EYS: variants seen among roughly 807,000 people sequenced by gnomAD.
EYS encodes EGF-like photoreceptor maintenance factor.
In EYS, 250 loss-of-function variants were observed where a neutral mutation model predicts 282.1. The observed-to-expected ratio is 0.89, with a 90% CI of 0.80 to 0.98. EYS has a LOEUF of 0.98. EYS is among the 50% of genes least tolerant of loss of function. The probability of loss-of-function intolerance (pLI) is 0.00; values close to 1 mark genes in which losing one functional copy is unlikely to be tolerated. For synonymous variants in EYS, 1,355 were observed against 1,282.9 expected, an observed-to-expected ratio of 1.06 and a Z score of -1.20; for missense variants, 4,016 against 3,709.0, an observed-to-expected ratio of 1.08 and a Z score of -2.15.
chr6:64,166,738 G>A (rs1221316564), intron 31 of EYS, among the ~76,000 whole-genome samples: 1 of 152,212 alleles, frequency 6.6e-6, no homozygotes, highest in East Asian at 1.9e-4. Flanking sequence ...ATTCAACTTC[G>A]GAGTGAATTA....
chr6:65,207,113 T>G (rs544872400), intron 12 of EYS, among the ~76,000 whole-genome samples: 100 of 151,906 alleles, frequency 6.6e-4, no homozygotes, highest in African/African-American at 2.3e-3. Context: ...CATGGTTTTA[T>G]AACTAGAACC....
At chr6:64,160,339 G>A (rs1775066056) in intron 31 of EYS, among the ~76,000 whole-genome samples, 1 of 152,170 alleles carries the variant, frequency 6.6e-6, no homozygotes, top group African/African-American at 2.4e-5. Context: ...AAATGTCCAA[G>A]TTAGGTTATT....
intron 22 of EYS, among the ~76,000 whole-genome samples, chr6:64,694,960 A>C (rs1562139559): frequency 6.6e-6 from 1 of 152,118 alleles, no homozygotes; most frequent in Non-Finnish European, 1.5e-5. Flanking sequence ...AGCAGGCTAC[A>C]CTACCACCTG....
chr6:64,310,078 A>AAAAC (rs1554142131), intron 29 of EYS, among the ~76,000 whole-genome samples: 7 of 145,190 alleles, frequency 4.8e-5, no homozygotes, highest in African/African-American at 1.8e-4. Flanking sequence ...ATAAAAAAAA[A>AAAAC]AATAACAGAT....
intron 22 of EYS, among the ~76,000 whole-genome samples, chr6:64,727,561 A>G (rs887772622): frequency 1.3e-5 from 2 of 152,192 alleles, no homozygotes; most frequent in African/African-American, 4.8e-5. Flanking sequence ...AGTAAACTAT[A>G]TAATTATTTT....
intron 31 of EYS, among the ~76,000 whole-genome samples, chr6:64,125,968 G>A (rs111500608): frequency 0.023 from 3,446 of 151,060 alleles, 114 homozygotes; most frequent in African/African-American, 0.071. Flanking sequence ...TGCACAACGT[G>A]CAGGTTTGTT....
intron 34 of EYS, among the ~76,000 whole-genome samples, chr6:63,989,403 A>T (rs578197645): frequency 2.0e-5 from 3 of 151,770 alleles, no homozygotes; most frequent in African/African-American, 7.2e-5. Flanking sequence ...TGTTTAAGGG[A>T]AATAAGTGAA....
chr6:64,801,143 T>A (rs1774536596), intron 22 of EYS, among the ~76,000 whole-genome samples: 1 of 151,482 alleles, frequency 6.6e-6, no homozygotes, highest in Admixed American at 6.6e-5. Flanking sequence ...TCTGAATGTT[T>A]AAAAAAAAAT....
intron 35 of EYS, among the ~76,000 whole-genome samples, chr6:63,965,673 T>G (rs1336398514): frequency 6.6e-6 from 1 of 152,194 alleles, no homozygotes; most frequent in Admixed American, 6.5e-5. Flanking sequence ...CAAAAAATGG[T>G]GGCTGTGTCA....
Position 63,806,345 on chromosome 6 carries a change from C to T in EYS, c.7256G>A (p.Ser2419Asn). 6.5e-7 allele frequency: 1 copy of T among 1,549,294 alleles called. No individual in the cohort carries two copies. The highest frequency in any genetic ancestry group is 8.7e-7 in the Non-Finnish European group (1 of 1,145,380). Residue 2419 changes from serine to asparagine, a missense_variant, in exon 37 of 43, where the codon AGT becomes AAT. Ser to Asn is a conservative substitution (Grantham distance 46). Transcript: ENST00000503581. The stretch of plus-strand genomic sequence containing the variant: ...GGTGTATCCAAAGGCATCTGTGCCA[C>T]TGAACCTTGGCTGAGTAATATTAAT... ...DAINITQPRFSGTDAFGYTSF... is the reference protein window; with the variant it reads ...DAINITQPRFNGTDAFGYTSF...
At chr6:65,204,836 G>A (rs375967651) in intron 12 of EYS, among the ~76,000 whole-genome samples, 48 of 105,864 alleles carry the variant, frequency 4.5e-4, no homozygotes, top group African/African-American at 1.5e-3. Flanking sequence ...CTGGAAGAAC[G>A]TATTTATATA....
intron 5 of EYS, among the ~76,000 whole-genome samples, chr6:65,473,647 TA>T (rs1261086912): frequency 6.6e-6 from 1 of 151,970 alleles, no homozygotes; most frequent in Non-Finnish European, 1.5e-5. Flanking sequence ...AACTTCAGAA[TA>T]ATTATCTTTT....
chr6:64,840,923 A>G (rs1765543725), intron 19 of EYS, among the ~76,000 whole-genome samples: 1 of 152,152 alleles, frequency 6.6e-6, no homozygotes, highest in Non-Finnish European at 1.5e-5. Flanking sequence ...ATAGACAAAG[A>G]ACTACACAGC....
intron 31 of EYS, among the ~76,000 whole-genome samples, chr6:64,097,232 C>T (rs1055219932): frequency 6.6e-6 from 1 of 152,200 alleles, no homozygotes; most frequent in African/African-American, 2.4e-5. Flanking sequence ...CTGTTCCGTT[C>T]TCCGATCTCA....
chr6:64,377,870 G>A (rs1227109516), intron 29 of EYS: 1 of 152,058 alleles, frequency 6.6e-6, no homozygotes, highest in African/African-American at 2.4e-5. Flanking sequence ...CTGCCTAGTT[G>A]TATAAGCTTG....
intron 22 of EYS, among the ~76,000 whole-genome samples, chr6:64,650,547 T>C (rs1024132308): frequency 6.6e-6 from 1 of 151,976 alleles, no homozygotes; most frequent in Non-Finnish European, 1.5e-5. Flanking sequence ...GCAGTATGCT[T>C]ATAAACCTAT....
chr6:64,408,847 G>C (rs911359009), intron 28 of EYS, among the ~76,000 whole-genome samples: 1 of 152,030 alleles, frequency 6.6e-6, no homozygotes, highest in African/African-American at 2.4e-5. Flanking sequence ...TTGTTACATG[G>C]GCAAATTGTA....
intron 36 of EYS, among the ~76,000 whole-genome samples, chr6:63,831,905 A>G (rs1270443440): frequency 6.6e-6 from 1 of 152,252 alleles, no homozygotes; most frequent in Non-Finnish European, 1.5e-5. Flanking sequence ...ACTCAGGATT[A>G]AGAAACTCAC....
intron 30 of EYS, among the ~76,000 whole-genome samples, chr6:64,238,173 C>A (rs1766674787): frequency 6.6e-6 from 1 of 152,064 alleles, no homozygotes; most frequent in South Asian, 2.1e-4. Flanking sequence ...ATCTTCTATT[C>A]TTTAGCTATT....
Sources: gnomAD v4.1 joint callset for allele counts (sites outside exome capture counted in the v4.1 genomes callset) on GRCh38, gnomAD v4.1.1 for gene constraint, MANE v1.5 for transcripts, NCBI Gene and HGNC (gene_info 2026-07-23, HGNC 2026-07-21) for gene names.